PKIB: variants seen among roughly 807,000 people sequenced by gnomAD.
PKIB encodes cAMP-dependent protein kinase inhibitor beta.
In PKIB, 2 loss-of-function variants were observed where a neutral mutation model predicts 4.5. That is an observed-to-expected ratio of 0.44 (90% CI 0.18 to 1.39). The LOEUF is 1.39. Ranked by LOEUF, PKIB falls within the 40% of genes most tolerant of loss-of-function variation. PKIB has a pLI of 0.27. For synonymous variants in PKIB, 38 were observed against 36.0 expected (o/e 1.06, Z -0.20); for missense variants, 94 against 92.6 (o/e 1.02, Z -0.06).
In PKIB at chr6:122,561,994, G is replaced by GTTTTTTTTTT; in HGVS notation, c.-247-23918_-247-23917insTTTTTTTTTT. Among the ~76,000 whole-genome samples, 338 of 40,792 alleles carry GTTTTTTTTTT rather than the reference G, an allele frequency of 8.3e-3. 20 individuals carry two copies. Among genetic ancestry groups the GTTTTTTTTTT allele is most frequent in the Non-Finnish European group, 0.01 (226 of 21,600 alleles). The allele number at this position is 40,792 out of a possible 152,430, so 26.8% of individuals were successfully genotyped here. On this transcript the variant is annotated intron_variant, in intron 2 of 6. Transcript: ENST00000392491. The stretch of plus-strand genomic sequence containing the variant: ...GCATAGTTTTTTTTTGTTTGTTTTT[G>GTTTTTTTTTT]TTTTTTTTTGTTTTTTTTTTTTTTT...
intron 2 of PKIB, among the ~76,000 whole-genome samples, chr6:122,638,845 G>C (rs1297321958): frequency 6.6e-6 from 1 of 151,984 alleles, no homozygotes. Context: ...TTATATCCCT[G>C]GCAGATTCAT....
intron 3 of PKIB, among the ~76,000 whole-genome samples, chr6:122,716,958 C>T (rs1300607348): frequency 6.6e-6 from 1 of 152,142 alleles, no homozygotes; most frequent in Non-Finnish European, 1.5e-5. Context: ...CATTACATAG[C>T]TTTTCAATAC....
intron 2 of PKIB, among the ~76,000 whole-genome samples, chr6:122,565,600 A>G (rs557997945): frequency 2.7e-4 from 41 of 152,282 alleles, no homozygotes; most frequent in African/African-American, 7.9e-4. Flanking sequence ...ATGACAGGTA[A>G]CAGTTTAACC....
chr6:122,688,906 G>T (rs577064023), intron 3 of PKIB, among the ~76,000 whole-genome samples: 1 of 150,656 alleles, frequency 6.6e-6, no homozygotes, highest in Non-Finnish European at 1.5e-5. Context: ...TCAGCCTCCC[G>T]AGTGGCTGGG....
chr6:122,603,252 CAT>C (rs796429848), intron 3 of PKIB, among the ~76,000 whole-genome samples: 21 of 152,190 alleles, frequency 1.4e-4, no homozygotes, highest in African/African-American at 5.1e-4. Context: ...ATACGAATAA[CAT>C]AAATGTCATA....
intron 2 of PKIB, among the ~76,000 whole-genome samples, chr6:122,663,581 C>T (rs1420138308): frequency 6.6e-6 from 1 of 152,164 alleles, no homozygotes; most frequent in Non-Finnish European, 1.5e-5. Flanking sequence ...ATCCTTCTTG[C>T]CTCTTTCAGT....
intron 2 of PKIB, among the ~76,000 whole-genome samples, chr6:122,641,010 G>A (rs1456054199): frequency 6.6e-6 from 1 of 151,880 alleles, no homozygotes; most frequent in Non-Finnish European, 1.5e-5. Context: ...TCCCAAAATT[G>A]ACTCATTTTA....
At chr6:122,718,121 G>A in intron 4 of PKIB, among the ~76,000 whole-genome samples, 158 bp downstream of exon 4, 1 of 152,118 alleles carries the variant, frequency 6.6e-6, no homozygotes, top group Non-Finnish European at 1.5e-5. Context: ...TAGATGTTCA[G>A]CCTTTTCCAA....
intron 2 of PKIB, among the ~76,000 whole-genome samples, chr6:122,501,491 A>T (rs1368802909): frequency 1.3e-5 from 2 of 152,198 alleles, no homozygotes; most frequent in Non-Finnish European, 2.9e-5. Flanking sequence ...GTGCACCCTC[A>T]GGCCAACACC....
chr6:122,486,072 T>C (rs982432278), intron 2 of PKIB, among the ~76,000 whole-genome samples: 1 of 152,170 alleles, frequency 6.6e-6, no homozygotes, highest in African/African-American at 2.4e-5. Flanking sequence ...ACCTCCACAT[T>C]ACCCCCCTGA....
At chr6:122,549,967 T>G (rs9375147) in intron 2 of PKIB, among the ~76,000 whole-genome samples, 22,782 of 151,568 alleles carry the variant, frequency 0.15, 1,788 homozygotes, top group East Asian at 0.26. Context: ...CAGGCTGGAA[T>G]GCAGTGGCAC....
At chr6:122,586,985 A>C (rs1773868351) in intron 3 of PKIB, among the ~76,000 whole-genome samples, 1 of 152,134 alleles carries the variant, frequency 6.6e-6, no homozygotes, top group African/African-American at 2.4e-5. Flanking sequence ...AAGGGTACCA[A>C]GCAGCCTCTT....
chr6:122,566,706 T>C (rs564225756), intron 2 of PKIB, among the ~76,000 whole-genome samples: 12 of 151,966 alleles, frequency 7.9e-5, no homozygotes, highest in African/African-American at 2.4e-4. Flanking sequence ...TCTTCTCATA[T>C]AGCAATATAA....
chr6:122,543,293 G>A (rs1038287477), intron 2 of PKIB, among the ~76,000 whole-genome samples: 9 of 151,620 alleles, frequency 5.9e-5, no homozygotes, highest in African/African-American at 1.5e-4. Context: ...CTTCTGCATC[G>A]CTCACGCTGG....
chr6:122,693,145 T>G (rs972704695), intron 3 of PKIB, among the ~76,000 whole-genome samples: 2 of 152,218 alleles, frequency 1.3e-5, no homozygotes, highest in African/African-American at 4.8e-5. Context: ...TTCTATCCTC[T>G]GTACCCTGTG....
intron 2 of PKIB, among the ~76,000 whole-genome samples, chr6:122,509,981 A>T (rs1298341838): frequency 1.3e-5 from 2 of 151,570 alleles, no homozygotes; most frequent in Admixed American, 6.6e-5. Flanking sequence ...GCAAGTTGAA[A>T]TTTTTTTCTC....
intron 2 of PKIB, among the ~76,000 whole-genome samples, chr6:122,636,640 A>C (rs1775928542): frequency 6.6e-6 from 1 of 152,078 alleles, no homozygotes. Context: ...AGCTTCCTCA[A>C]ATTAATTTAT....
chr6:122,501,745 C>T (rs957963109), intron 2 of PKIB, among the ~76,000 whole-genome samples: 2 of 152,140 alleles, frequency 1.3e-5, no homozygotes, highest in African/African-American at 4.8e-5. Flanking sequence ...AGGCAATTTC[C>T]TCATTGTCTT....
At chr6:122,580,866 C>G (rs1025895861) in intron 2 of PKIB, among the ~76,000 whole-genome samples, 15 of 152,046 alleles carry the variant, frequency 9.9e-5, no homozygotes, top group Non-Finnish European at 1.9e-4. Context: ...CTGACATAAC[C>G]TGTGGTCAAT....
Sources: gnomAD v4.1 joint callset for allele counts (sites outside exome capture counted in the v4.1 genomes callset) on GRCh38, gnomAD v4.1.1 for gene constraint, MANE v1.5 for transcripts, NCBI Gene and HGNC (gene_info 2026-07-23, HGNC 2026-07-21) for gene names.